The following PCSK6 variants were observed in gnomAD, a reference collection of about 807,000 sequenced individuals.
The protein encoded by PCSK6 is proprotein convertase subtilisin/kexin type 6.
A neutral mutation model predicts 123.3 loss-of-function variants in PCSK6; 85 were observed. The observed-to-expected ratio is 0.69, with a 90% confidence interval of 0.58 to 0.83. PCSK6 has a LOEUF of 0.83. Among genes scored for constraint, PCSK6 ranks in the 40% least tolerant of loss-of-function variants. The probability of loss-of-function intolerance (pLI) is 0.00; values close to 1 mark genes in which losing one functional copy is unlikely to be tolerated. For synonymous variants in PCSK6, 508 were observed against 516.0 expected (o/e 0.98, Z 0.21); for missense variants, 1,191 against 1,282.3 (o/e 0.93, Z 1.09).
chr15:101,480,707 G>A, intron 1 of PCSK6, among the ~76,000 whole-genome samples: 1 of 152,192 alleles, frequency 6.6e-6, no homozygotes, highest in Non-Finnish European at 1.5e-5. Flanking sequence ...CACCAGTGGG[G>A]CCTCCAGGGC....
At chr15:101,405,046 G>A (rs373678154) in intron 6 of PCSK6, among the ~76,000 whole-genome samples, 15 of 152,212 alleles carry the variant, frequency 9.9e-5, no homozygotes, top group Admixed American at 2.6e-4. Context: ...CAAGCATCAC[G>A]CGCTTAGATC....
At chr15:101,352,620 G>A (rs188724482) in intron 13 of PCSK6, among the ~76,000 whole-genome samples, 15 of 152,182 alleles carry the variant, frequency 9.9e-5, no homozygotes, top group Admixed American at 5.2e-4. Flanking sequence ...CGGACTATCC[G>A]TACTGTTCCC....
At chr15:101,430,237 C>T (rs1477344152) in intron 4 of PCSK6, among the ~76,000 whole-genome samples, 174 bp from the exon 5 acceptor site, 5 of 152,148 alleles carry the variant, frequency 3.3e-5, no homozygotes, top group African/African-American at 9.7e-5. Context: ...GGGAAATACA[C>T]GACCTTAACC....
At chr15:101,458,663 C>T (rs1034624593) in intron 1 of PCSK6, among the ~76,000 whole-genome samples, 4 of 152,178 alleles carry the variant, frequency 2.6e-5, no homozygotes, top group African/African-American at 7.2e-5. Context: ...CTCCACATAC[C>T]CAGCAGATTG....
At chr15:101,432,510 T>G (rs1448084866) in intron 2 of PCSK6, among the ~76,000 whole-genome samples, 2 of 149,614 alleles carry the variant, frequency 1.3e-5, no homozygotes, top group African/African-American at 2.5e-5. Flanking sequence ...ATGCCTGTAG[T>G]CCCAGCTCCT....
intron 13 of PCSK6, among the ~76,000 whole-genome samples, chr15:101,354,130 G>A (rs1442634958): frequency 6.6e-6 from 1 of 152,052 alleles, no homozygotes; most frequent in Non-Finnish European, 1.5e-5. Context: ...GTTACACTGG[G>A]TCTTGAAAAG....
At chr15:101,488,655 T>C (rs927278786) in intron 1 of PCSK6, among the ~76,000 whole-genome samples, 3 of 152,078 alleles carry the variant, frequency 2.0e-5, no homozygotes, top group Middle Eastern at 3.4e-3. Context: ...GTCACACCGC[T>C]CGGCCATCAG....
chr15:101,482,040 G>A (rs148919415), intron 1 of PCSK6, among the ~76,000 whole-genome samples: 13 of 152,372 alleles, frequency 8.5e-5, no homozygotes, highest in African/African-American at 2.6e-4. Flanking sequence ...GGGAGAAACG[G>A]CGGCTGGTGG....
Position 101,343,401 on chromosome 15 carries a change from G to A in PCSK6, c.1859-11370C>T, listed in dbSNP as rs11855140. Among the ~76,000 whole-genome samples the A allele has an allele frequency of 9.0e-3, 1,361 of 151,634 alleles. 17 individuals carry two copies. Among genetic ancestry groups the A allele is most frequent in the African/African-American group, 0.031 (1,294 of 41,352 alleles). ...TTCTTTCTTCATTCTTTATGTTGTT[G>A]GTTTTTTTCTATCATCTTAAGTTGG... On this transcript the variant is annotated intron_variant, in intron 13 of 21. Transcript: ENST00000611716.
In PCSK6 at chr15:101,336,367, C is replaced by G. The variant is rs552208155; in HGVS notation, c.1859-4336G>C. Among the ~76,000 whole-genome samples, 33 of 152,344 alleles carry G rather than the reference C, an allele frequency of 2.2e-4. No homozygotes were observed. The South Asian group carries it at 3.3e-3, about 15-fold the overall frequency. ...TCCATTAAGGGAAACCTACTGCACA[C>G]GTCATTTCAGCTGTGTGCATGTGTA... On this transcript the variant is annotated intron_variant, in intron 13 of 21. Transcript: ENST00000611716.
chr15:101,370,557 C>T (rs746255576), intron 11 of PCSK6, 34 bp from the exon 12 acceptor site: 46 of 1,401,088 alleles, frequency 3.3e-5, no homozygotes, highest in South Asian at 4.9e-5. Context: ...CACTTGGCAC[C>T]GGAAGCATGA....
At chr15:101,321,717 C>T (rs11858065) in intron 18 of PCSK6, among the ~76,000 whole-genome samples, 3,891 of 152,324 alleles carry the variant, frequency 0.026, 162 homozygotes, top group African/African-American at 0.088. Flanking sequence ...CTGCCTGGAC[C>T]GCAGCATCCT....
Position 101,305,350 on chromosome 15 carries a change from C to T in PCSK6, c.2818G>A (p.Glu940Lys), listed in dbSNP as rs1231150294. 1.4e-5 allele frequency: 23 copies of T among 1,611,748 alleles called. No homozygotes were observed. The highest frequency in any genetic ancestry group is 1.0e-4 in the Admixed American group (6 of 59,922). ...GACTTCACCATCTCGCAGAATGTCT[C>T]GTCAGCTGGGGCCCCGCATCAGGAA... ...ITNHTCSNAD[E>K]TFCEMVKSNR... The change falls in exon 22 of 22, where the codon GAG becomes AAG. Residue 940 changes from glutamate to lysine, a missense_variant. Glu to Lys is a moderately conservative substitution (Grantham distance 56). Coordinates refer to ENST00000611716, the MANE Select transcript of PCSK6 (RefSeq NM_002570.5). The surrounding 1 kb of genome is among the most constrained non-coding windows in gnomAD (Gnocchi z 4.8).
chr15:101,477,954 G>T (rs1314017536), intron 1 of PCSK6, among the ~76,000 whole-genome samples: 1 of 152,186 alleles, frequency 6.6e-6, no homozygotes, highest in East Asian at 1.9e-4. Context: ...ATAAGGAGGG[G>T]AGGATCCCAT....
chr15:101,391,882 C>A (rs2042243999), intron 8 of PCSK6, among the ~76,000 whole-genome samples: 1 of 152,172 alleles, frequency 6.6e-6, no homozygotes. Flanking sequence ...CAAACTATAC[C>A]CTTCTTACCC....
At chr15:101,386,354 C>T (rs531237770) in intron 9 of PCSK6, among the ~76,000 whole-genome samples, 3 of 152,200 alleles carry the variant, frequency 2.0e-5, no homozygotes, top group Non-Finnish European at 4.4e-5. Context: ...TGTGGGTGTG[C>T]GAAGACGTAC....
chr15:101,459,805 A>G (rs1244129703), intron 1 of PCSK6, among the ~76,000 whole-genome samples: 1 of 151,140 alleles, frequency 6.6e-6, no homozygotes, highest in Non-Finnish European at 1.5e-5. Flanking sequence ...GTCCTCCAAC[A>G]CCCTCAGTCC....
At position 101,398,136 on chromosome 15, in the gene PCSK6, A is replaced by C. The variant is rs2042470975; in HGVS notation, c.996+268T>G. Among the ~76,000 whole-genome samples, 1 of 152,196 alleles carries C rather than the reference A, an allele frequency of 6.6e-6. No individual in the cohort carries two copies. The highest frequency in any genetic ancestry group is 1.5e-5 in the Non-Finnish European group (1 of 68,024). On this transcript the variant is annotated intron_variant, in intron 7 of 21. Coordinates refer to ENST00000611716, the MANE Select transcript of PCSK6 (RefSeq NM_002570.5). The surrounding 1 kb of genome is among the most constrained non-coding windows in gnomAD (Gnocchi z 4.6). The stretch of plus-strand genomic sequence containing the variant: ...TTCAGCCAGGGATGGGCAAACTCCA[A>C]GGCAGAGAGGGTCGTGCTAGCAGTG...
chr15:101,469,088 G>A (rs1234635334), intron 1 of PCSK6, among the ~76,000 whole-genome samples: 1 of 152,044 alleles, frequency 6.6e-6, no homozygotes, highest in Admixed American at 6.6e-5. Context: ...TCAAAATAGC[G>A]CTATGAGAAA....
Sources: gnomAD v4.1 joint callset for allele counts (sites outside exome capture counted in the v4.1 genomes callset) on GRCh38, gnomAD v4.1.1 for gene constraint, Gnocchi (gnomAD v3.1) non-coding constraint, MANE v1.5 for transcripts, NCBI Gene and HGNC (gene_info 2026-07-23, HGNC 2026-07-21) for gene names.